Variants in ALDH9A1 observed in about 807,000 individuals in gnomAD.
The protein encoded by ALDH9A1 is 4-trimethylaminobutyraldehyde dehydrogenase.
Under a neutral mutation model 56.6 loss-of-function variants are expected in ALDH9A1, and 42 were observed. That is an observed-to-expected ratio of 0.74 (90% CI 0.58 to 0.96). The LOEUF is 0.96. Among genes scored for constraint, ALDH9A1 ranks in the 40% least tolerant of loss-of-function variants. The pLI, the probability that ALDH9A1 is intolerant of heterozygous loss-of-function variation, is 0.00. For synonymous variants in ALDH9A1, 242 were observed against 236.0 expected, an observed-to-expected ratio of 1.03 and a Z score of -0.23; for missense variants, 661 against 651.5, an observed-to-expected ratio of 1.01 and a Z score of -0.16.
intron 2 of ALDH9A1, among the ~76,000 whole-genome samples, chr1:165,689,876 G>A (rs1649830116): frequency 6.6e-6 from 1 of 151,432 alleles, no homozygotes; most frequent in Admixed American, 6.6e-5. Flanking sequence ...GGAGGTTGCA[G>A]TGAGCCAAGA....
At chr1:165,667,202 C>T (rs1649033931) in intron 9 of ALDH9A1, 107 bp downstream of exon 9, 2 of 1,433,118 alleles carry the variant, frequency 1.4e-6, no homozygotes, top group Non-Finnish European at 1.9e-6. Flanking sequence ...GTGCTGATGG[C>T]TCCTATGAGG....
chr1:165,690,241 T>TAC (rs1437551530), intron 2 of ALDH9A1, among the ~76,000 whole-genome samples: 1 of 150,918 alleles, frequency 6.6e-6, no homozygotes, highest in Non-Finnish European at 1.5e-5. Flanking sequence ...TATACACATA[T>TAC]ACACACACAC....
At position 165,686,518 on chromosome 1, in the gene ALDH9A1, T is replaced by TAA. The variant is rs369196873; in HGVS notation, c.328-3410_328-3409dup. Among the ~76,000 whole-genome samples the TAA allele has an allele frequency of 2.7e-5, 4 of 147,624 alleles. No individual in the cohort carries two copies. The East Asian group carries it at 6.0e-4, about 22-fold the overall frequency. ...CCCAAGAAGAAAATGTTTTTTTTTT[T>TAA]AAAAAAAAAAGCCCCAGAACTCACA... On this transcript the variant is annotated intron_variant, in intron 2 of 10. Transcript: ENST00000354775.
At chr1:165,696,754 T>G (rs1228288133) in intron 1 of ALDH9A1, among the ~76,000 whole-genome samples, 1 of 152,192 alleles carries the variant, frequency 6.6e-6, no homozygotes, top group Non-Finnish European at 1.5e-5. Flanking sequence ...TGGGACTCTT[T>G]CCAGGGAGAT....
chr1:165,671,552 A>G, intron 6 of ALDH9A1: 1 of 450,876 alleles, frequency 2.2e-6, no homozygotes. Flanking sequence ...CCATTTAATT[A>G]AGGCAGCAGT....
intron 7 of ALDH9A1, 105 bp downstream of exon 7, chr1:165,669,157 A>G (rs139632337): frequency 4.4e-5 from 59 of 1,349,018 alleles, no homozygotes; most frequent in Non-Finnish European, 5.8e-5. Flanking sequence ...TAATAGTCCA[A>G]TGAATAATAG....
rs574358170 is a variant in ALDH9A1 at position 165,689,327 on chromosome 1, A to G, written c.327+5925T>C. On this transcript the variant is annotated intron_variant, in intron 2 of 10. Coordinates refer to ENST00000354775, the MANE Select transcript of ALDH9A1 (RefSeq NM_000696.4). ...AGGCAGAGACAGTATCTCCCTAAAG[A>G]TAAAGAAATCTGGAGAAATTTAGAA... Among the ~76,000 whole-genome samples, 58 of 152,348 alleles carry G rather than the reference A, an allele frequency of 3.8e-4. No individual in the cohort carries two copies. In the East Asian group the frequency reaches 6.4e-3, roughly 17 times the overall value.
chr1:165,682,302 A>T (rs2101748604), intron 3 of ALDH9A1, 61 bp from the exon 4 acceptor site: 2 of 1,567,168 alleles, frequency 1.3e-6, no homozygotes, highest in East Asian at 2.2e-5. Flanking sequence ...TTTCACCAAC[A>T]TCTGTACCAG....
intron 6 of ALDH9A1, chr1:165,676,741 G>A (rs1214048798): frequency 5.9e-6 from 3 of 508,540 alleles, no homozygotes; most frequent in Non-Finnish European, 1.2e-5. Flanking sequence ...CAACGGGAAG[G>A]AGCCTGAGCT....
chr1:165,676,703 C>A, intron 6 of ALDH9A1: 2 of 464,176 alleles, frequency 4.3e-6, no homozygotes, highest in Non-Finnish European at 8.4e-6. Context: ...CAGCCTACTC[C>A]ACCCAGGGAA....
chr1:165,671,338 T>C, intron 6 of ALDH9A1: 1 of 401,736 alleles, frequency 2.5e-6, no homozygotes, highest in Admixed American at 2.8e-5. Context: ...GAAGTGGGGT[T>C]GCTGAAGTAG....
chr1:165,683,193 C>T, intron 2 of ALDH9A1, 83 bp from the exon 3 acceptor site: 1 of 1,404,218 alleles, frequency 7.1e-7, no homozygotes, highest in Non-Finnish European at 9.9e-7. Flanking sequence ...ACACACTGCT[C>T]AATTTTTAAA....
At position 165,668,983 on chromosome 1, in the gene ALDH9A1, A is replaced by G; in HGVS notation, c.1150T>C (p.Tyr384His). The G allele has an allele frequency of 6.2e-7, 1 of 1,612,194 alleles. No homozygotes were observed. ...TTTAATTTGGGATCTTCAGGTACAT[A>G]TATATCTCCACCACATAACACTTTA... is the stretch of plus-strand genomic sequence containing the variant. ...GAKVLCGGDIYVPEDPKLKDG... is the reference protein window; with the variant it reads ...GAKVLCGGDIHVPEDPKLKDG... The change falls in exon 8 of 11, where the codon TAT becomes CAT. Residue 384 changes from tyrosine (Y) to histidine (H), a missense_variant. Coordinates refer to ENST00000354775, the MANE Select transcript of ALDH9A1 (RefSeq NM_000696.4).
At chr1:165,673,957 C>T (rs561600567) in intron 6 of ALDH9A1, among the ~76,000 whole-genome samples, 27 of 152,228 alleles carry the variant, frequency 1.8e-4, no homozygotes, top group South Asian at 1.5e-3. Flanking sequence ...GCACAAGATA[C>T]AGGTCATAAA....
In ALDH9A1 at chr1:165,663,018, G is replaced by T; in HGVS notation, c.*32C>A. The T allele has an allele frequency of 6.4e-7, 1 of 1,568,322 alleles. No individual in the cohort carries two copies. The highest frequency in any genetic ancestry group is 8.8e-7 in the Non-Finnish European group (1 of 1,138,402). On this transcript the variant is annotated 3_prime_UTR_variant, in exon 11 of 11. Transcript: ENST00000354775. ...GGGCCAATTCACATCATTCCACAGC[G>T]TGGCCATGTCAATAGGTTTCACTGC...
chr1:165,688,094 A>C (rs965983947), intron 2 of ALDH9A1, among the ~76,000 whole-genome samples: 1 of 152,148 alleles, frequency 6.6e-6, no homozygotes, highest in Non-Finnish European at 1.5e-5. Context: ...AGGCAGGAGG[A>C]TGACTTGAGC....
intron 2 of ALDH9A1, among the ~76,000 whole-genome samples, chr1:165,685,212 C>G (rs1649669087): frequency 6.6e-6 from 1 of 152,124 alleles, no homozygotes. Context: ...CCCTGCTTTA[C>G]AATATGACTT....
intron 10 of ALDH9A1, among the ~76,000 whole-genome samples, chr1:165,663,518 A>G (rs1303244336): frequency 6.6e-6 from 1 of 152,234 alleles, no homozygotes; most frequent in Non-Finnish European, 1.5e-5. Context: ...AAAACTTTAC[A>G]CAATAGGCTT....
chr1:165,693,804 T>A (rs187215645), intron 2 of ALDH9A1, among the ~76,000 whole-genome samples: 1 of 152,124 alleles, frequency 6.6e-6, no homozygotes, highest in African/African-American at 2.4e-5. Context: ...AGCAAAGACT[T>A]GGAACCAACC....
Sources: allele counts gnomAD v4.1 joint callset (sites outside exome capture counted in the v4.1 genomes callset), GRCh38; gene constraint gnomAD v4.1.1; transcripts MANE v1.5; gene names NCBI Gene and HGNC (gene_info 2026-07-23, HGNC 2026-07-21).